The following CLEC2A variants were observed in gnomAD, a reference collection of about 807,000 sequenced individuals.
CLEC2A encodes the protein C-type lectin domain family 2 member A.
CLEC2A carries 19 observed loss-of-function variants against 18.6 expected under a neutral mutation model. The observed-to-expected ratio is 1.02, with a 90% CI of 0.71 to 1.50. The LOEUF is 1.50. CLEC2A is among the 40% of genes most tolerant of loss of function. The probability of loss-of-function intolerance (pLI) is 0.00; values close to 1 mark genes in which losing one functional copy is unlikely to be tolerated. For missense variants in CLEC2A, 190 were observed against 207.9 expected (o/e 0.91, Z 0.53); for synonymous variants, 74 against 64.0 (o/e 1.16, Z -0.75).
chr12:9,879,540 G>GTT, the CLEC2A span, among the ~76,000 whole-genome samples: 2 of 152,212 alleles, frequency 1.3e-5, no homozygotes, highest in African/African-American at 4.8e-5. Flanking sequence ...GAAATAACAA[G>GTT]TATTTCTTTG....
At chr12:9,885,707 T>C in the CLEC2A span, among the ~76,000 whole-genome samples, 1 of 152,000 alleles carries the variant, frequency 6.6e-6, no homozygotes, top group Non-Finnish European at 1.5e-5. Flanking sequence ...ATCAGACTTT[T>C]CTCAGACCAA....
chr12:9,887,218 A>T, the CLEC2A span, among the ~76,000 whole-genome samples: 3 of 152,308 alleles, frequency 2.0e-5, no homozygotes, highest in African/African-American at 7.2e-5. Context: ...TTTTCAGCTT[A>T]CAAGAACCCA....
intron 4 of CLEC2A, among the ~76,000 whole-genome samples, chr12:9,902,325 C>G (rs532587369): frequency 2.9e-4 from 44 of 151,486 alleles, no homozygotes; most frequent in African/African-American, 9.7e-4. Context: ...CCTCTGCCTC[C>G]TGGGTTCAAG....
chr12:9,921,000 G>A (rs968373220), intron 3 of CLEC2A, among the ~76,000 whole-genome samples: 5 of 152,300 alleles, frequency 3.3e-5, no homozygotes, highest in Admixed American at 2.6e-4. Flanking sequence ...TTGTGGTAAA[G>A]GACATGGCAT....
chr12:9,926,198 A>T, intron 2 of CLEC2A, 62 bp downstream of exon 2: 6 of 970,738 alleles, frequency 6.2e-6, no homozygotes, highest in Non-Finnish European at 9.4e-6. Context: ...GTTAAACTTG[A>T]GATATACATG....
intron 4 of CLEC2A, among the ~76,000 whole-genome samples, chr12:9,903,390 GAAGT>G (rs1862863332): frequency 6.6e-6 from 1 of 152,134 alleles, no homozygotes; most frequent in Non-Finnish European, 1.5e-5. Flanking sequence ...AACAGCAAAA[GAAGT>G]AAGGATTGAG....
At chr12:9,927,392 T>A (rs1379338175) in intron 1 of CLEC2A, among the ~76,000 whole-genome samples, 1 of 152,204 alleles carries the variant, frequency 6.6e-6, no homozygotes, top group Non-Finnish European at 1.5e-5. Context: ...TTATGCAATC[T>A]GTCATTGACC....
chr12:9,918,943 G>A (rs1863117898), intron 3 of CLEC2A, among the ~76,000 whole-genome samples: 1 of 152,186 alleles, frequency 6.6e-6, no homozygotes. Context: ...TAATTTTAGA[G>A]GGGGTTATGT....
At chr12:9,889,979 A>T in the CLEC2A span, among the ~76,000 whole-genome samples, 1 of 152,146 alleles carries the variant, frequency 6.6e-6, no homozygotes, top group Non-Finnish European at 1.5e-5. Context: ...ATAAATATAC[A>T]TGAAAGTAGA....
Position 9,913,393 on chromosome 12 carries a change from T to C in CLEC2A, c.*173A>G, listed in dbSNP as rs1034022874. 69 of 1,195,764 alleles carry C rather than the reference T, an allele frequency of 5.8e-5. No homozygotes were observed. The highest frequency in any genetic ancestry group is 7.5e-5 in the Non-Finnish European group (67 of 898,422). 74.1% of individuals were successfully genotyped at this position (1,195,764 alleles called of 1,614,324 possible). The stretch of plus-strand genomic sequence containing the variant: ...TATAAAAGGCTCCAGAGAACGGCCT[T>C]GTCTCTTTAACCATGGCAGGGCACA... On this transcript the variant is annotated 3_prime_UTR_variant, in exon 5 of 5. Transcript: ENST00000455827.
At chr12:9,878,660 C>T in the CLEC2A span, among the ~76,000 whole-genome samples, 2 of 152,068 alleles carry the variant, frequency 1.3e-5, no homozygotes. Flanking sequence ...GAGAATTGGC[C>T]CAGGCATAGA....
At chr12:9,910,993 C>A (rs1862977078), downstream of CLEC2A, among the ~76,000 whole-genome samples, 2 of 152,178 alleles carry the variant, frequency 1.3e-5, no homozygotes, top group South Asian at 4.1e-4. Context: ...TTTACTTCTG[C>A]AGAAGGGTGC....
At chr12:9,901,568 A>G (rs1229787260) in intron 4 of CLEC2A, among the ~76,000 whole-genome samples, 1 of 152,216 alleles carries the variant, frequency 6.6e-6, no homozygotes, top group Non-Finnish European at 1.5e-5. Context: ...TGGCAATCCC[A>G]TGTACCTAAA....
chr12:9,888,675 C>A, the CLEC2A span: 1 of 973,230 alleles, frequency 1.0e-6, no homozygotes, highest in Non-Finnish European at 1.6e-6. Context: ...TTCTCATGTA[C>A]CTAGATTGCT....
chr12:9,915,438 A>G (rs888408178), intron 4 of CLEC2A, among the ~76,000 whole-genome samples: 25 of 152,208 alleles, frequency 1.6e-4, no homozygotes, highest in African/African-American at 6.0e-4. Flanking sequence ...AATAGCAAAA[A>G]CATGGAATCA....
At chr12:9,894,426 C>A (rs900497711), downstream of CLEC2A, among the ~76,000 whole-genome samples, 3 of 152,074 alleles carry the variant, frequency 2.0e-5, no homozygotes, top group African/African-American at 7.2e-5. Context: ...CAAACTATCA[C>A]CCACCTCAGC....
At chr12:9,880,704 T>C in the CLEC2A span, among the ~76,000 whole-genome samples, 2 of 152,130 alleles carry the variant, frequency 1.3e-5, no homozygotes, top group African/African-American at 4.8e-5. Flanking sequence ...ATGCTGCAGA[T>C]AGTCTGAAGG....
At chr12:9,889,721 G>A in the CLEC2A span, among the ~76,000 whole-genome samples, 1 of 151,426 alleles carries the variant, frequency 6.6e-6, no homozygotes, top group Non-Finnish European at 1.5e-5. Flanking sequence ...AATGCCATTG[G>A]TTGTGGCTAT....
At chr12:9,921,532 A>G (rs1863173042) in intron 3 of CLEC2A, among the ~76,000 whole-genome samples, 3 of 152,174 alleles carry the variant, frequency 2.0e-5, no homozygotes, top group Admixed American at 2.0e-4. Flanking sequence ...GGCTACAGTG[A>G]GCTGAGATTG....
Sources: allele counts gnomAD v4.1 joint callset (sites outside exome capture counted in the v4.1 genomes callset), GRCh38; gene constraint gnomAD v4.1.1; transcripts MANE v1.5; gene names NCBI Gene and HGNC (gene_info 2026-07-23, HGNC 2026-07-21).